Variants in CACNA1D observed in about 807,000 individuals in gnomAD.
The protein encoded by CACNA1D is calcium voltage-gated channel subunit alpha1 D.
CACNA1D carries 55 observed loss-of-function variants against 257.1 expected under a neutral mutation model. That is an observed-to-expected ratio of 0.21 (90% CI 0.17 to 0.27). The LOEUF (loss-of-function observed/expected upper bound fraction) is 0.27, where lower values mean the gene tolerates loss of function less well. Ranked by LOEUF, CACNA1D falls within the 10% of genes least tolerant of loss-of-function variation. CACNA1D has a pLI of 1.00. For missense variants in CACNA1D, 1,876 were observed against 2,784.0 expected (o/e 0.67, Z 7.34); for synonymous variants, 980 against 1,014.9 (o/e 0.97, Z 0.65).
Position 53,722,387 on chromosome 3 carries a change from T to C in CACNA1D, c.1579T>C (p.Trp527Arg), listed in dbSNP as rs1365142223. The part of the protein sequence containing the change: ...RAAVKSVTFY[W>R]LVIVLVFLNT... ...CGCCGTGAAGTCTGTCACGTTTTAC[T>C]GGCTGGTTATCGTCCTGGTGTTTCT... The change falls in exon 12 of 48, where the codon TGG becomes CGG. Residue 527 changes from tryptophan to arginine, a missense_variant. Trp to Arg is a moderately radical substitution (Grantham distance 101). This residue lies in a region of CACNA1D where 257 missense variants were observed against 399.7 expected (regional missense o/e 0.64). Coordinates refer to ENST00000350061, the MANE Select transcript of CACNA1D (RefSeq NM_001128840.3). 2.5e-6 allele frequency: 4 copies of C among 1,614,128 alleles called. No individual in the cohort carries two copies. The highest frequency in any genetic ancestry group is 2.7e-5 in the African/African-American group (2 of 74,952).
chr3:53,539,490 T>C (rs13078747), intron 3 of CACNA1D, among the ~76,000 whole-genome samples: 63,397 of 152,160 alleles, frequency 0.42, 14,610 homozygotes, highest in Middle Eastern at 0.53. Flanking sequence ...GATACTCCAT[T>C]GGATGAGTAG....
intron 19 of CACNA1D, among the ~76,000 whole-genome samples, chr3:53,734,492 A>G (rs1213723362): frequency 6.6e-6 from 1 of 152,076 alleles, no homozygotes; most frequent in Non-Finnish European, 1.5e-5. Context: ...ACATACATAA[A>G]TACATACATG....
At chr3:53,735,036 C>T (rs764247149) in intron 19 of CACNA1D, among the ~76,000 whole-genome samples, 15 of 152,170 alleles carry the variant, frequency 9.9e-5, no homozygotes, top group Non-Finnish European at 2.2e-4. Context: ...GATTCTGCCC[C>T]TGGTCCTTAC....
chr3:53,615,252 C>T (rs549558209), intron 3 of CACNA1D, among the ~76,000 whole-genome samples: 1 of 152,300 alleles, frequency 6.6e-6, no homozygotes, highest in Non-Finnish European at 1.5e-5. Context: ...CTTCAGTTCT[C>T]CTGCCTGGTT....
chr3:53,719,678 A>G (rs1460953470), intron 10 of CACNA1D, 77 bp from the exon 11 acceptor site: 2 of 1,299,188 alleles, frequency 1.5e-6, no homozygotes, highest in Non-Finnish European at 2.2e-6. Flanking sequence ...CTTTTATGAT[A>G]TCTCAGCTGA....
Position 53,809,421 on chromosome 3 carries a change from T to C in CACNA1D, c.5872-557T>C, listed in dbSNP as rs565086261. 178 of 184,140 alleles carry C rather than the reference T, an allele frequency of 9.7e-4. 1 individual carries two copies. Among genetic ancestry groups the C allele is most frequent in the African/African-American group, 4.0e-3 (169 of 42,688 alleles). The allele number at this position is 184,140 out of a possible 1,614,324, so 11.4% of individuals were successfully genotyped here. A position where few individuals can be genotyped will look rare whatever the true frequency, so the allele number is the denominator to read the frequency against. On this transcript the variant is annotated intron_variant, in intron 46 of 47. Coordinates refer to ENST00000350061, the MANE Select transcript of CACNA1D (RefSeq NM_001128840.3). The stretch of plus-strand genomic sequence containing the variant: ...CGACAGGGTGGTGGGCATGGACCTG[T>C]GCTGTTTACAGACAGCGTTCCCCGT...
At chr3:53,568,352 C>T (rs940902847) in intron 3 of CACNA1D, among the ~76,000 whole-genome samples, 2 of 152,184 alleles carry the variant, frequency 1.3e-5, no homozygotes, top group Non-Finnish European at 2.9e-5. Flanking sequence ...CATTTCTAGA[C>T]AGTGATTTCA....
At chr3:53,498,366 CT>C (rs1437550199) in intron 2 of CACNA1D, among the ~76,000 whole-genome samples, 1 of 152,198 alleles carries the variant, frequency 6.6e-6, no homozygotes, top group Non-Finnish European at 1.5e-5. Context: ...GTGCTTCAGC[CT>C]GCTTAACCCC....
At chr3:53,605,033 T>A (rs2093490951) in intron 3 of CACNA1D, among the ~76,000 whole-genome samples, 1 of 152,172 alleles carries the variant, frequency 6.6e-6, no homozygotes, top group South Asian at 2.1e-4. Context: ...TGCACTTATG[T>A]GTGTATGAAA....
chr3:53,654,501 G>A (rs1204916612), intron 4 of CACNA1D, among the ~76,000 whole-genome samples: 1 of 152,184 alleles, frequency 6.6e-6, no homozygotes, highest in Admixed American at 6.5e-5. Flanking sequence ...AAGATAGACT[G>A]TGATACCTTT....
chr3:53,727,369 G>A (rs1214436872), intron 15 of CACNA1D, among the ~76,000 whole-genome samples: 1 of 152,158 alleles, frequency 6.6e-6, no homozygotes, highest in Non-Finnish European at 1.5e-5. Flanking sequence ...TGGGAGCTTA[G>A]GCGTCCATCT....
chr3:53,808,446 T>C (rs1044312529), intron 45 of CACNA1D: 1 of 611,750 alleles, frequency 1.6e-6, no homozygotes, highest in Non-Finnish European at 2.9e-6. Context: ...GTTTGTACTT[T>C]AAAAAACATC....
intron 3 of CACNA1D, among the ~76,000 whole-genome samples, chr3:53,571,123 A>G (rs1261046430): frequency 6.6e-6 from 1 of 152,130 alleles, no homozygotes; most frequent in African/African-American, 2.4e-5. Context: ...GGGGTTCTTA[A>G]GTGGGGAGGG....
Position 53,495,677 on chromosome 3 carries a change from C to A in CACNA1D, c.67+444C>A, listed in dbSNP as rs2090312766. Among the ~76,000 whole-genome samples the A allele has an allele frequency of 6.6e-6, 1 of 152,252 alleles. No homozygotes were observed. On this transcript the variant is annotated intron_variant, in intron 1 of 47. Coordinates refer to ENST00000350061, the MANE Select transcript of CACNA1D (RefSeq NM_001128840.3). This position sits in a 1 kb window ranked among gnomAD's most constrained non-coding sequence, Gnocchi z 5.1. ...GGTCCCTGGTGGCATCCGGAAAATT[C>A]TAGGATTGCCCGGTTTCGCCCTCCG...
At chr3:53,533,502 GGA>G (rs768623146) in intron 3 of CACNA1D, among the ~76,000 whole-genome samples, 24 of 152,160 alleles carry the variant, frequency 1.6e-4, no homozygotes, top group Non-Finnish European at 2.5e-4. Flanking sequence ...CAGAATCAGG[GGA>G]GAGTTTTTCT....
intron 3 of CACNA1D, among the ~76,000 whole-genome samples, chr3:53,614,968 C>T (rs1488984086): frequency 6.6e-6 from 1 of 152,084 alleles, no homozygotes; most frequent in African/African-American, 2.4e-5. Flanking sequence ...TGTTAATTTC[C>T]CACAACTTGT....
At chr3:53,777,858 G>A (rs907166919) in intron 37 of CACNA1D, among the ~76,000 whole-genome samples, 2 of 152,108 alleles carry the variant, frequency 1.3e-5, no homozygotes, top group African/African-American at 2.4e-5. Flanking sequence ...TTGTTGCAGC[G>A]ACAAAAAAGA....
Position 53,723,846 on chromosome 3 carries a change from C to G in CACNA1D, c.1947C>G (p.Ser649=). ...LVASLLNSMK[S]IASLLLLLFL... is the part of the protein sequence containing the mutation. ...CATCCTTATTAAACTCCATGAAGTCCATCGCTTCGCTGTTGCTTCTGCTTT... is the reference window on the plus strand; with the variant it reads ...CATCCTTATTAAACTCCATGAAGTCGATCGCTTCGCTGTTGCTTCTGCTTT... Residue 649 remains serine, a synonymous_variant, in exon 14 of 48, where the codon TCC becomes TCG. Coordinates refer to ENST00000350061, the MANE Select transcript of CACNA1D (RefSeq NM_001128840.3). This position sits in a 1 kb window ranked among gnomAD's most constrained non-coding sequence, Gnocchi z 5.6. 3 of 1,614,204 alleles carry G rather than the reference C, an allele frequency of 1.9e-6. No individual in the cohort carries two copies. Among genetic ancestry groups the G allele is most frequent in the Non-Finnish European group, 1.7e-6 (2 of 1,180,026 alleles).
rs763528649 is a variant in CACNA1D, at chr3:53,723,885, C to T, written c.1986C>T (p.Ile662=). 1.9e-6 allele frequency: 3 copies of T among 1,614,136 alleles called. No homozygotes were observed. The highest frequency in any genetic ancestry group is 1.3e-5 in the African/African-American group (1 of 75,038). Residue 662 remains isoleucine, a synonymous_variant, in exon 14 of 48, where the codon ATC becomes ATT. Coordinates refer to ENST00000350061, the MANE Select transcript of CACNA1D (RefSeq NM_001128840.3). This position sits in a 1 kb window ranked among gnomAD's most constrained non-coding sequence, Gnocchi z 5.6. ...TGCTTCTGCTTTTTCTCTTCATTAT[C>T]ATCTTTTCCTTGCTTGGGATGCAGC... ...SLLLLLFLFI[I]IFSLLGMQLF... is the part of the protein sequence containing the mutation.
Sources: gnomAD v4.1 joint callset for allele counts (sites outside exome capture counted in the v4.1 genomes callset) on GRCh38, gnomAD v4.1.1 for gene constraint, gnomAD v4.1.1 regional missense constraint, Gnocchi (gnomAD v3.1) non-coding constraint, MANE v1.5 for transcripts, NCBI Gene and HGNC (gene_info 2026-07-23, HGNC 2026-07-21) for gene names.